SCUBE2: variants seen among roughly 807,000 people sequenced by gnomAD.
SCUBE2 encodes signal peptide, CUB domain and EGF like domain containing 2.
In SCUBE2, 114 loss-of-function variants were observed where a neutral mutation model predicts 125.9. That is an observed-to-expected ratio of 0.91 (90% CI 0.78 to 1.06). The LOEUF is 1.06. Ranked by LOEUF, SCUBE2 falls within the 50% of genes least tolerant of loss-of-function variation. The pLI is 0.00. For missense variants in SCUBE2, 1,255 were observed against 1,301.8 expected, an observed-to-expected ratio of 0.96 and a Z score of 0.55; for synonymous variants, 459 against 492.9, an observed-to-expected ratio of 0.93 and a Z score of 0.91.
chr11:9,024,156 CTT>C (rs1255029526), intron 21 of SCUBE2: 16 of 1,043,112 alleles, frequency 1.5e-5, no homozygotes, highest in Non-Finnish European at 1.9e-5. Context: ...AGCTACAACT[CTT>C]TTTCATTTTA....
chr11:9,069,260 T>C, intron 5 of SCUBE2, 110 bp downstream of exon 5: 1 of 1,443,236 alleles, frequency 6.9e-7, no homozygotes, highest in Non-Finnish European at 9.5e-7. Context: ...CTAACTGCCT[T>C]CCCTGCTGCT....
intron 22 of SCUBE2, 70 bp downstream of exon 22, chr11:9,021,806 G>C (rs974080329): frequency 1.7e-6 from 2 of 1,189,226 alleles, no homozygotes; most frequent in African/African-American, 1.5e-5. Flanking sequence ...AGCAGGAGGA[G>C]AAGCCTTCTC....
intron 11 of SCUBE2, 79 bp from the exon 12 acceptor site, chr11:9,053,294 C>A: frequency 8.6e-7 from 1 of 1,156,240 alleles, no homozygotes; most frequent in Non-Finnish European, 1.3e-6. Flanking sequence ...TCCCATGCAC[C>A]AAAGGCCCCA....
At chr11:9,028,011 C>T (rs891940683) in intron 19 of SCUBE2, among the ~76,000 whole-genome samples, 8 of 152,158 alleles carry the variant, frequency 5.3e-5, no homozygotes, top group Non-Finnish European at 8.8e-5. Flanking sequence ...TCACTTTTCT[C>T]TCTGGTTAAG....
At chr11:9,073,019 C>T (rs7395330) in intron 4 of SCUBE2, among the ~76,000 whole-genome samples, 133,205 of 152,212 alleles carry the variant, frequency 0.88, 58,395 homozygotes, top group Middle Eastern at 0.9. Flanking sequence ...GGACCCAGAC[C>T]GTGAGGGCTC....
Position 9,055,828 on chromosome 11 carries a change from C to G in SCUBE2, c.1172G>C (p.Arg391Pro). The G allele has an allele frequency of 6.2e-7, 1 of 1,614,148 alleles. No homozygotes were observed. Among genetic ancestry groups the G allele is most frequent in the Non-Finnish European group, 8.5e-7 (1 of 1,180,034 alleles). Residue 391 changes from arginine (R) to proline (P), a missense_variant, in exon 10 of 23, where the codon CGA becomes CCA. By Grantham distance (103) the Arg-to-Pro change is moderately radical. Around this residue, in one of 3 missense-constraint regions of SCUBE2, gnomAD observed 378 missense variants for 463.1 expected, o/e 0.82. Transcript: ENST00000649792. ...HPGTFACACN[R>P]GYTLYGFTHC... ...GGTGAAGCCATACAGGGTGTACCCT[C>G]GGTTGCAAGCACAAGCAAATGTGCC...
chr11:9,075,203 T>C (rs1443626134), intron 3 of SCUBE2, among the ~76,000 whole-genome samples: 9 of 39,306 alleles, frequency 2.3e-4, no homozygotes, highest in South Asian at 6.9e-4. Flanking sequence ...CGAGACGCCA[T>C]CTAAAAAAAA....
intron 4 of SCUBE2, among the ~76,000 whole-genome samples, chr11:9,071,600 G>A (rs76148472): frequency 0.031 from 4,671 of 152,290 alleles, 151 homozygotes; most frequent in East Asian, 0.12. Context: ...TGGTTGTCAC[G>A]TCCAGGATGG....
At chr11:9,049,234 T>C (rs1010660189) in intron 14 of SCUBE2, among the ~76,000 whole-genome samples, 14 of 152,106 alleles carry the variant, frequency 9.2e-5, no homozygotes, top group African/African-American at 3.4e-4. Context: ...CAAGTCTATT[T>C]TTATCATTGT....
intron 6 of SCUBE2, among the ~76,000 whole-genome samples, chr11:9,066,316 C>T (rs986778341): frequency 2.6e-5 from 4 of 152,208 alleles, no homozygotes; most frequent in African/African-American, 9.7e-5. Flanking sequence ...AAGGACACAC[C>T]GTGAAGGGCA....
intron 16 of SCUBE2, among the ~76,000 whole-genome samples, chr11:9,035,333 T>C (rs994400218): frequency 2.0e-5 from 3 of 152,244 alleles, no homozygotes; most frequent in Non-Finnish European, 4.4e-5. Context: ...GAGAGGTTAA[T>C]AATTTGGCCA....
At chr11:9,045,210 T>C (rs867671900) in intron 16 of SCUBE2, among the ~76,000 whole-genome samples, 1 of 152,284 alleles carries the variant, frequency 6.6e-6, no homozygotes, top group Middle Eastern at 3.4e-3. Flanking sequence ...ATTTCCTTTT[T>C]ATATGTGCAT....
chr11:9,083,931 A>G (rs1861859099), intron 2 of SCUBE2, among the ~76,000 whole-genome samples: 1 of 152,244 alleles, frequency 6.6e-6, no homozygotes, highest in South Asian at 2.1e-4. Flanking sequence ...AATAAAAGGA[A>G]TAAATATAGA....
chr11:9,047,983 A>G lies in SCUBE2; in HGVS notation c.1755T>C (p.Thr585=), dbSNP rs1243851498. ...GGTTAGTTTCAAGCTCAAACTCAAC[A>G]GTGATAAACATTTCCTTAGGGGTGC... ...RPSTPKEMFI[T]VEFELETNQK... is the part of the protein sequence containing the mutation. The change falls in exon 15 of 23, where the codon ACT becomes ACC. Residue 585 remains threonine (T), a synonymous_variant. Coordinates refer to ENST00000649792, the MANE Select transcript of SCUBE2 (RefSeq NM_001367977.2). The G allele has an allele frequency of 2.5e-6, 4 of 1,614,036 alleles. No homozygotes were observed. The highest frequency in any genetic ancestry group is 1.3e-5 in the African/African-American group (1 of 75,046).
At chr11:9,040,500 G>C (rs913932297) in intron 16 of SCUBE2, among the ~76,000 whole-genome samples, 3 of 143,976 alleles carry the variant, frequency 2.1e-5, no homozygotes, top group African/African-American at 5.0e-5. Context: ...ACACAGCGTG[G>C]GTACGCAGGA....
intron 3 of SCUBE2, among the ~76,000 whole-genome samples, chr11:9,078,148 A>G (rs533863437): frequency 6.6e-6 from 1 of 152,330 alleles, no homozygotes; most frequent in African/African-American, 2.4e-5. Context: ...ACTGAAAGTG[A>G]TTCCATTTGT....
In SCUBE2 at chr11:9,030,889, A is replaced by T; in HGVS notation, c.2210T>A (p.Phe737Tyr). The T allele has an allele frequency of 6.2e-7, 1 of 1,614,144 alleles. No homozygotes were observed. The highest frequency in any genetic ancestry group is 8.5e-7 in the Non-Finnish European group (1 of 1,180,004). The change falls in exon 18 of 23, where the codon TTT becomes TAT. Residue 737 changes from phenylalanine to tyrosine, a missense_variant. Phe to Tyr is a conservative substitution (Grantham distance 22). This residue lies in a region of SCUBE2 where 515 missense variants were observed against 515.7 expected (regional missense o/e 1.00). Transcript: ENST00000649792. ...CAGGGCACAGAGCTGGCAAGGTGCA[A>T]AGCCATCTGCAGAATATTCACCAGG... ...CQPGEYSADG[F>Y]APCQLCALGT...
chr11:9,029,380 A>C (rs79994011), intron 19 of SCUBE2, among the ~76,000 whole-genome samples: 1 of 151,910 alleles, frequency 6.6e-6, no homozygotes, highest in Non-Finnish European at 1.5e-5. Flanking sequence ...TCTCAAACAT[A>C]AGGCTCTTTC....
At chr11:9,059,937 A>C (rs1859493618) in intron 8 of SCUBE2, among the ~76,000 whole-genome samples, 1 of 152,190 alleles carries the variant, frequency 6.6e-6, no homozygotes, top group Non-Finnish European at 1.5e-5. Flanking sequence ...TAAAGGGCTA[A>C]TCCTTTGTAC....
Sources: gnomAD v4.1 joint callset for allele counts (sites outside exome capture counted in the v4.1 genomes callset) on GRCh38, gnomAD v4.1.1 for gene constraint, gnomAD v4.1.1 regional missense constraint, MANE v1.5 for transcripts, NCBI Gene and HGNC (gene_info 2026-07-23, HGNC 2026-07-21) for gene names.